Variants in DEPDC4 observed in about 807,000 individuals in gnomAD.
DEPDC4 encodes DEP domain containing 4.
DEPDC4 carries 52 observed loss-of-function variants against 52.0 expected under a neutral mutation model. The ratio of observed to expected loss-of-function variants is 1.00; its 90% CI spans 0.80 to 1.26. DEPDC4 has a LOEUF of 1.26. DEPDC4 is among the 50% of genes most tolerant of loss of function. The pLI, the probability that DEPDC4 is intolerant of heterozygous loss-of-function variation, is 0.00. For synonymous variants in DEPDC4, 201 were observed against 196.8 expected (o/e 1.02, Z -0.18); for missense variants, 530 against 546.9 (o/e 0.97, Z 0.31).
chr12:100,241,704 T>A lies in DEPDC4; in HGVS notation c.*188A>T. 7.9e-7 allele frequency: 1 copy of A among 1,259,686 alleles called. No homozygotes were observed. Among genetic ancestry groups the A allele is most frequent in the Non-Finnish European group, 1.0e-6 (1 of 976,878 alleles). The allele number at this position is 1,259,686 out of a possible 1,614,324, so 78.0% of individuals were successfully genotyped here. A position where few individuals can be genotyped will look rare whatever the true frequency, so the allele number is the denominator to read the frequency against. ...AGCTTCTGGATGGTGTTTTTGAAAT[T>A]CCTTAATTAATTTCTTTTTTCGTTT... On this transcript the variant is annotated 3_prime_UTR_variant, in exon 10 of 10. Coordinates refer to ENST00000550587, the MANE Select transcript of DEPDC4 (RefSeq NM_001364818.2).
chr12:100,260,104 ATTC>A (rs924323346), intron 3 of DEPDC4, among the ~76,000 whole-genome samples: 3 of 151,940 alleles, frequency 2.0e-5, no homozygotes, highest in Non-Finnish European at 2.9e-5. Flanking sequence ...AGTGGAAATT[ATTC>A]TTATTATTAC....
At chr12:100,262,132 G>C in intron 3 of DEPDC4, 132 bp downstream of exon 3, 2 of 815,744 alleles carry the variant, frequency 2.5e-6, no homozygotes, top group Non-Finnish European at 3.7e-6. Context: ...TGTGTGAGTG[G>C]AAGCAAGGGG....
In DEPDC4 at chr12:100,244,134, T is replaced by TATATATACAC. The variant is rs1403751762; in HGVS notation, c.1454-1566_1454-1565insGTGTATATAT. ...ATATATATATATATATATATATATA[T>TATATATACAC]ACACAAAATACAATAAAATACAATT... On this transcript the variant is annotated intron_variant, in intron 8 of 9. Coordinates refer to ENST00000550587, the MANE Select transcript of DEPDC4 (RefSeq NM_001364818.2). Among the ~76,000 whole-genome samples the TATATATACAC allele has an allele frequency of 7.5e-3, 912 of 121,690 alleles. 11 individuals are homozygous for TATATATACAC. Among genetic ancestry groups the TATATATACAC allele is most frequent in the African/African-American group, 0.012 (398 of 33,150 alleles). 79.8% of individuals were successfully genotyped at this position (121,690 alleles called of 152,430 possible).
chr12:100,244,134 T>TATATATATATATATATATATACAC lies in DEPDC4; in HGVS notation c.1454-1566_1454-1565insGTGTATATATATATATATATATAT, dbSNP rs1403751762. Among the ~76,000 whole-genome samples the TATATATATATATATATATATACAC allele has an allele frequency of 5.7e-5, 7 of 121,792 alleles. 1 individual carries two copies. Among genetic ancestry groups the TATATATATATATATATATATACAC allele is most frequent in the Admixed American group, 1.8e-4 (2 of 11,140 alleles). 79.9% of individuals were successfully genotyped at this position (121,792 alleles called of 152,430 possible). Reference sequence around the variant, plus strand: ...ATATATATATATATATATATATATATACACAAAATACAATAAAATACAATT... The same window carrying TATATATATATATATATATATACAC: ...ATATATATATATATATATATATATATATATATATATATATATATATACACACACAAAATACAATAAAATACAATT... On this transcript the variant is annotated intron_variant, in intron 8 of 9. Coordinates refer to ENST00000550587, the MANE Select transcript of DEPDC4 (RefSeq NM_001364818.2).
intron 3 of DEPDC4, among the ~76,000 whole-genome samples, chr12:100,259,014 T>C (rs2096244227): frequency 6.6e-6 from 1 of 150,926 alleles, no homozygotes; most frequent in African/African-American, 2.4e-5. Context: ...GAGATTGCAG[T>C]GAGCCGAGAT....
At chr12:100,257,894 A>AT in intron 3 of DEPDC4, 1 of 152,368 alleles carries the variant, frequency 6.6e-6, no homozygotes, top group East Asian at 1.9e-4. Context: ...GCCCACAGCC[A>AT]TGATCTGTTT....
intron 3 of DEPDC4, among the ~76,000 whole-genome samples, chr12:100,259,863 C>T (rs531065846): frequency 5.3e-5 from 8 of 151,952 alleles, no homozygotes; most frequent in South Asian, 2.1e-4. Context: ...TGAACGGTTA[C>T]GTTATGTGCC....
At chr12:100,274,554 A>G in the DEPDC4 span, among the ~76,000 whole-genome samples, 1 of 152,192 alleles carries the variant, frequency 6.6e-6, no homozygotes, top group Non-Finnish European at 1.5e-5. Flanking sequence ...ATTTCTTATC[A>G]AACTTCCTTG....
At chr12:100,267,201 TTCG>T, upstream of DEPDC4, 2 of 1,044,374 alleles carry the variant, frequency 1.9e-6, no homozygotes, top group South Asian at 3.2e-5. Flanking sequence ...TCCCTTACTC[TTCG>T]TCCCCGGTCC....
In DEPDC4 at chr12:100,256,856, T is replaced by C. The variant is rs539118925; in HGVS notation, c.701-630A>G. Among the ~76,000 whole-genome samples, 21 of 152,090 alleles carry C rather than the reference T, an allele frequency of 1.4e-4. No homozygotes were observed. In the East Asian group the frequency reaches 1.9e-3, roughly 14 times the overall value. ...CGGGGTTTCACCGTGTTAGCTAGGA[T>C]GGTCTCGATCTCCTGACCTAGTGAT... is the stretch of plus-strand genomic sequence containing the variant. On this transcript the variant is annotated intron_variant, in intron 3 of 9. Coordinates refer to ENST00000550587, the MANE Select transcript of DEPDC4 (RefSeq NM_001364818.2).
In DEPDC4 at chr12:100,253,712, G is replaced by T; in HGVS notation, c.882C>A (p.Ile294=). The T allele has an allele frequency of 2.3e-6, 3 of 1,282,740 alleles. No individual in the cohort carries two copies. The highest frequency in any genetic ancestry group is 2.0e-6 in the Non-Finnish European group (2 of 984,326). 79.5% of individuals were successfully genotyped at this position (1,282,740 alleles called of 1,614,324 possible). ...ELIPSLCLPE[I]DNWLNAAIEC... The stretch of plus-strand genomic sequence containing the variant: ...CAATTGCTGCATTAAGCCAGTTATC[G>T]ATTCTAGAGGGAAAATGCAAACCAA... Residue 294 remains isoleucine (I), a synonymous_variant, in exon 5 of 10, where the codon ATC becomes ATA. Coordinates refer to ENST00000550587, the MANE Select transcript of DEPDC4 (RefSeq NM_001364818.2).
At chr12:100,263,384 ATTT>A in intron 2 of DEPDC4, 110 bp downstream of exon 2, 2 of 738,712 alleles carry the variant, frequency 2.7e-6, no homozygotes, top group Non-Finnish European at 4.0e-6. Flanking sequence ...TTTCACATGG[ATTT>A]TTTTTTTTAA....
At chr12:100,237,706 T>C (rs1028681047), downstream of DEPDC4, 15 of 152,206 alleles carry the variant, frequency 9.9e-5, no homozygotes, top group African/African-American at 3.6e-4. Flanking sequence ...TCTGGCCCAA[T>C]CTTAAAAAAT....
intron 8 of DEPDC4, among the ~76,000 whole-genome samples, chr12:100,243,600 A>G (rs1255523350): frequency 1.3e-5 from 2 of 151,676 alleles, no homozygotes; most frequent in East Asian, 3.9e-4. Flanking sequence ...CCTCAAACTA[A>G]TTACCTCCTG....
At chr12:100,281,212 A>G in the DEPDC4 span, among the ~76,000 whole-genome samples, 3 of 151,792 alleles carry the variant, frequency 2.0e-5, no homozygotes, top group Admixed American at 2.0e-4. Flanking sequence ...AATTTTTTGT[A>G]GGGACAGGGT....
chr12:100,261,706 G>C, intron 3 of DEPDC4: 1 of 456,644 alleles, frequency 2.2e-6, no homozygotes, highest in South Asian at 1.5e-5. Flanking sequence ...TGAATTAAGT[G>C]TTATTAGATG....
At chr12:100,237,957 C>CA (rs145786358), downstream of DEPDC4, 29,030 of 445,202 alleles carry the variant, frequency 0.065, 1,019 homozygotes, top group Middle Eastern at 0.12. Flanking sequence ...TGATGACTAG[C>CA]AAATCCCTAC....
intron 8 of DEPDC4, among the ~76,000 whole-genome samples, chr12:100,246,683 T>G (rs1007714156): frequency 7.9e-5 from 12 of 152,194 alleles, no homozygotes; most frequent in African/African-American, 2.4e-4. Flanking sequence ...ATGCCTGTAA[T>G]CCCAGCACTT....
intron 8 of DEPDC4, among the ~76,000 whole-genome samples, chr12:100,248,617 C>G (rs1204140473): frequency 6.6e-6 from 1 of 152,046 alleles, no homozygotes; most frequent in Non-Finnish European, 1.5e-5. Flanking sequence ...AGCACAGGAG[C>G]AAAGAAGCAG....
Sources: allele counts gnomAD v4.1 joint callset (sites outside exome capture counted in the v4.1 genomes callset), GRCh38; gene constraint gnomAD v4.1.1; transcripts MANE v1.5; gene names NCBI Gene and HGNC (gene_info 2026-07-23, HGNC 2026-07-21).